DNAH1: variants seen among roughly 807,000 people sequenced by gnomAD.
DNAH1 encodes axonemal beta dynein heavy chain 1.
A neutral mutation model predicts 484.3 loss-of-function variants in DNAH1; 327 were observed. The ratio of observed to expected loss-of-function variants is 0.68; its 90% CI spans 0.62 to 0.74. The LOEUF is 0.74. Ranked by LOEUF, DNAH1 falls within the 30% of genes least tolerant of loss-of-function variation. The pLI, the probability that DNAH1 is intolerant of heterozygous loss-of-function variation, is 0.00. For synonymous variants in DNAH1, 2,192 were observed against 2,191.9 expected (o/e 1.00, Z 0.00); for missense variants, 5,052 against 5,546.8 (o/e 0.91, Z 2.83).
chr3:52,357,785 T>C, intron 23 of DNAH1, 50 bp downstream of exon 23: 2 of 1,573,444 alleles, frequency 1.3e-6, no homozygotes, highest in Non-Finnish European at 1.7e-6. Context: ...CCCACAAGGC[T>C]GAGGTGTCCA....
chr3:52,389,756 A>G (rs1213180761), intron 60 of DNAH1, among the ~76,000 whole-genome samples, 170 bp downstream of exon 60: 1 of 152,222 alleles, frequency 6.6e-6, no homozygotes, highest in Non-Finnish European at 1.5e-5. Flanking sequence ...AGGAGGAGAA[A>G]GCTGGGCTGA....
chr3:52,377,062 G>A (rs898591512), intron 46 of DNAH1, among the ~76,000 whole-genome samples: 2 of 152,058 alleles, frequency 1.3e-5, no homozygotes, highest in South Asian at 2.1e-4. Flanking sequence ...CGCCTCTGAC[G>A]GGGAAAACCA....
In DNAH1 at chr3:52,384,918, G is replaced by A. The variant is rs372068387; in HGVS notation, c.8455G>A (p.Gly2819Arg). Residue 2819 changes from glycine (G) to arginine (R), a missense_variant, in exon 53 of 78, where the codon GGG becomes AGG. Around this residue, in one of 4 missense-constraint regions of DNAH1, gnomAD observed 2,929 missense variants for 3,409.4 expected, o/e 0.86. Coordinates refer to ENST00000420323, the MANE Select transcript of DNAH1 (RefSeq NM_015512.5). ...ELLHIFSILI[G>R]QKKLELKTAK... is the part of the protein sequence containing the mutation. The stretch of plus-strand genomic sequence containing the variant: ...GCTTCATATTTTCTCCATCCTCATC[G>A]GGCAGAAGAAACTGGAGCTGAAAAC... 63 of 1,613,374 alleles carry A rather than the reference G, an allele frequency of 3.9e-5. No homozygotes were observed. The highest frequency in any genetic ancestry group is 1.3e-4 in the East Asian group (6 of 44,878).
In DNAH1 at chr3:52,382,441, T is replaced by C; in HGVS notation, c.7927T>C (p.Phe2643Leu). 1 of 1,613,838 alleles carries C rather than the reference T, an allele frequency of 6.2e-7. No homozygotes were observed. The highest frequency in any genetic ancestry group is 8.5e-7 in the Non-Finnish European group (1 of 1,179,762). Residue 2643 changes from phenylalanine to leucine, a missense_variant, in exon 50 of 78, where the codon TTC (phenylalanine) becomes CTC (leucine). By Grantham distance (22) the Phe-to-Leu change is conservative. Coordinates refer to ENST00000420323, the MANE Select transcript of DNAH1 (RefSeq NM_015512.5). ...GLQNLPITFL[F>L]SDTQIKNESF... Reference sequence around the variant, plus strand: ...ACAGAACCTACCCATCACCTTCCTCTTCTCAGACACCCAGGTGCCACTGCC... The same window carrying C: ...ACAGAACCTACCCATCACCTTCCTCCTCTCAGACACCCAGGTGCCACTGCC...
chr3:52,338,282 T>C (rs549383246), intron 8 of DNAH1, among the ~76,000 whole-genome samples: 1 of 152,282 alleles, frequency 6.6e-6, no homozygotes, highest in East Asian at 1.9e-4. Flanking sequence ...CTATTTTTTG[T>C]ATTTTTAGTA....
chr3:52,389,883 G>T (rs377714094), intron 60 of DNAH1, among the ~76,000 whole-genome samples: 17 of 151,996 alleles, frequency 1.1e-4, no homozygotes, highest in African/African-American at 4.1e-4. Context: ...AGGCCAAGGT[G>T]GGTGGATCAC....
rs756484660 is a variant in DNAH1, at chr3:52,395,046, T to C, written c.10955T>C (p.Phe3652Ser). 7 of 1,609,360 alleles carry C rather than the reference T, an allele frequency of 4.3e-6. No homozygotes were observed. The highest frequency in any genetic ancestry group is 4.2e-6 in the Non-Finnish European group (5 of 1,177,940). ...GTGGCCACCAACCTGGAGCCACGCT[T>C]CATTGAACCCCAGGCAAGTGCTGGA... ...DFVATNLEPR[F>S]IEPQTANLSV... Residue 3652 changes from phenylalanine to serine, a missense_variant, in exon 68 of 78, where the codon TTC (phenylalanine) becomes TCC (serine). By Grantham distance (155) the Phe-to-Ser change is radical. Around this residue, in one of 4 missense-constraint regions of DNAH1, gnomAD observed 853 missense variants for 899.0 expected, o/e 0.95. Coordinates refer to ENST00000420323, the MANE Select transcript of DNAH1 (RefSeq NM_015512.5). This position sits in a 1 kb window ranked among gnomAD's most constrained non-coding sequence, Gnocchi z 4.4.
intron 65 of DNAH1, 100 bp from the exon 66 acceptor site, chr3:52,393,234 G>A (rs916691729): frequency 3.2e-5 from 50 of 1,558,044 alleles, no homozygotes; most frequent in Non-Finnish European, 4.1e-5. Context: ...GGCCCAGGCT[G>A]CCCCTACGGC....
At chr3:52,377,508 C>G (rs1475570388) in intron 46 of DNAH1, among the ~76,000 whole-genome samples, 1 of 151,960 alleles carries the variant, frequency 6.6e-6, no homozygotes, top group Non-Finnish European at 1.5e-5. Flanking sequence ...TTCCATCAGT[C>G]CACACTCCTC....
chr3:52,373,530 A>G, intron 44 of DNAH1: 1 of 1,466,256 alleles, frequency 6.8e-7, no homozygotes, highest in Non-Finnish European at 9.4e-7. Flanking sequence ...TGTCCCGTCT[A>G]CAGTGTCTGC....
intron 7 of DNAH1, 52 bp downstream of exon 7, chr3:52,331,361 G>T (rs1418475312): frequency 1.3e-6 from 2 of 1,554,390 alleles, no homozygotes; most frequent in Non-Finnish European, 1.7e-6. Context: ...GGCCTGGCCG[G>T]CCTGTGACTG....
Position 52,327,909 on chromosome 3 carries a change from C to T in DNAH1, c.766C>T (p.Arg256Trp), listed in dbSNP as rs750740478. 23 of 1,613,736 alleles carry T rather than the reference C, an allele frequency of 1.4e-5. No individual in the cohort carries two copies. Among genetic ancestry groups the T allele is most frequent in the East Asian group, 2.2e-5 (1 of 44,888 alleles). ...KVFDNEDFDCRTPREWINMGL... is the reference protein window; with the variant it reads ...KVFDNEDFDCWTPREWINMGL... ...ATTTGACAATGAGGACTTTGACTGC[C>T]GGACTCCCAGAGAGTGGATCAACAT... is the stretch of plus-strand genomic sequence containing the variant. Residue 256 changes from arginine to tryptophan, a missense_variant, in exon 6 of 78, where the codon CGG becomes TGG. By Grantham distance (101) the Arg-to-Trp change is moderately radical. Transcript: ENST00000420323.
At chr3:52,320,007 C>T (rs1701086373) in intron 1 of DNAH1, among the ~76,000 whole-genome samples, 1 of 152,204 alleles carries the variant, frequency 6.6e-6, no homozygotes, top group African/African-American at 2.4e-5. Context: ...CATCTGTTAT[C>T]TCCGAAGATC....
At chr3:52,335,404 ATTT>A (rs34295466) in intron 8 of DNAH1, among the ~76,000 whole-genome samples, 3 of 73,742 alleles carry the variant, frequency 4.1e-5, no homozygotes, top group Non-Finnish European at 2.6e-5. Flanking sequence ...GCAATGTGTG[ATTT>A]TTTTTTTTTT....
upstream of DNAH1, among the ~76,000 whole-genome samples, chr3:52,314,258 C>T (rs1423082079): frequency 6.6e-6 from 1 of 152,216 alleles, no homozygotes; most frequent in Non-Finnish European, 1.5e-5. Flanking sequence ...CTGGAGCCCC[C>T]CTGGGAAATG....
Position 52,393,351 on chromosome 3 carries a change from A to G in DNAH1, c.10492A>G (p.Ile3498Val). 6.2e-7 allele frequency: 1 copy of G among 1,613,980 alleles called. No individual in the cohort carries two copies. Among genetic ancestry groups the G allele is most frequent in the Non-Finnish European group, 8.5e-7 (1 of 1,179,872 alleles). The part of the protein sequence containing the change: ...SERADNLKKR[I>V]SNINRYLTYS... Reference sequence around the variant, plus strand: ...CTCCACAGACAACCTGAAGAAGCGCATCTCCAACATCAACCGCTACCTGAC... The same window carrying G: ...CTCCACAGACAACCTGAAGAAGCGCGTCTCCAACATCAACCGCTACCTGAC... Residue 3498 changes from isoleucine to valine, a missense_variant, in exon 66 of 78, where the codon ATC becomes GTC. Ile to Val is a conservative substitution (Grantham distance 29). Around this residue, in one of 4 missense-constraint regions of DNAH1, gnomAD observed 2,929 missense variants for 3,409.4 expected, o/e 0.86. Transcript: ENST00000420323.
intron 8 of DNAH1, among the ~76,000 whole-genome samples, chr3:52,333,594 GCC>G (rs1275200653): frequency 9.9e-5 from 15 of 151,900 alleles, no homozygotes; most frequent in Non-Finnish European, 4.4e-5. Context: ...CACCATTTTG[GCC>G]AAGCTGGTCT....
chr3:52,329,410 G>A (rs1164568112), intron 6 of DNAH1, among the ~76,000 whole-genome samples: 1 of 152,190 alleles, frequency 6.6e-6, no homozygotes, highest in Non-Finnish European at 1.5e-5. Flanking sequence ...AAGCAAAATA[G>A]GTGAGCTATA....
In DNAH1 at chr3:52,396,631, AGTCTCTGCTGCT is replaced by A; in HGVS notation, c.11452_11463del (p.Leu3818_Leu3821del). On this transcript the variant is annotated inframe_deletion, in exon 72 of 78. Coordinates refer to ENST00000420323, the MANE Select transcript of DNAH1 (RefSeq NM_015512.5). Reference sequence around the variant, plus strand: ...CACCTCCCCCAGGTGATGGAGTTCAAGTCTCTGCTGCTGTCTCTGTGCTTGTTCCATGGGAAC... The same window carrying A: ...CACCTCCCCCAGGTGATGGAGTTCAAGTCTCTGTGCTTGTTCCATGGGAAC... 6.2e-7 allele frequency: 1 copy of A among 1,613,056 alleles called. No individual in the cohort carries two copies. Among genetic ancestry groups the A allele is most frequent in the Non-Finnish European group, 8.5e-7 (1 of 1,179,496 alleles).
Sources: gnomAD v4.1 joint callset for allele counts (sites outside exome capture counted in the v4.1 genomes callset) on GRCh38, gnomAD v4.1.1 for gene constraint, gnomAD v4.1.1 regional missense constraint, Gnocchi (gnomAD v3.1) non-coding constraint, MANE v1.5 for transcripts, NCBI Gene and HGNC (gene_info 2026-07-23, HGNC 2026-07-21) for gene names.